The following TDRD12 variants were observed in gnomAD, a reference collection of about 807,000 sequenced individuals.
TDRD12 encodes tudor domain containing 12.
Under a neutral mutation model 133.5 loss-of-function variants are expected in TDRD12, and 158 were observed. That is an observed-to-expected ratio of 1.18 (90% CI 1.04 to 1.35). The LOEUF is 1.35. Ranked by LOEUF, TDRD12 falls within the 40% of genes most tolerant of loss-of-function variation. The pLI, the probability that TDRD12 is intolerant of heterozygous loss-of-function variation, is 0.00. For missense variants in TDRD12, 1,443 were observed against 1,321.3 expected, an observed-to-expected ratio of 1.09 and a Z score of -1.43; for synonymous variants, 460 against 477.9, an observed-to-expected ratio of 0.96 and a Z score of 0.49.
intron 21 of TDRD12, among the ~76,000 whole-genome samples, chr19:32,805,510 C>T (rs897106242): frequency 1.3e-5 from 2 of 152,062 alleles, no homozygotes; most frequent in Non-Finnish European, 2.9e-5. Context: ...GTTCTCACTG[C>T]ATGAGTGCGT....
chr19:32,783,309 T>C (rs1970819833), intron 11 of TDRD12, among the ~76,000 whole-genome samples: 1 of 152,184 alleles, frequency 6.6e-6, no homozygotes, highest in African/African-American at 2.4e-5. Flanking sequence ...CTGTGTTCTG[T>C]TCCATTGGTC....
chr19:32,721,794 G>A (rs1281228021), intron 1 of TDRD12, among the ~76,000 whole-genome samples: 3 of 151,014 alleles, frequency 2.0e-5, no homozygotes, highest in Non-Finnish European at 4.4e-5. Context: ...TGCAAGCTCC[G>A]CCTCCCGGGT....
intron 10 of TDRD12, among the ~76,000 whole-genome samples, chr19:32,776,535 G>A (rs1175738331): frequency 1.3e-5 from 2 of 152,174 alleles, no homozygotes; most frequent in African/African-American, 2.4e-5. Flanking sequence ...AGATTCTGGC[G>A]TCTGCACCTG....
chr19:32,775,018 G>A (rs189581145), intron 10 of TDRD12, among the ~76,000 whole-genome samples: 112 of 151,514 alleles, frequency 7.4e-4, no homozygotes, highest in East Asian at 5.8e-3. Flanking sequence ...CCTTGCTGTC[G>A]TTGCTACCAT....
exon 16 of TDRD12, chr19:32,798,352 G>A (rs1971290611): frequency 9.1e-6 from 14 of 1,535,498 alleles, no homozygotes; most frequent in East Asian, 2.4e-5. Context: ...GAGGCTTCTC[G>A]CCTGTCAGAG....
At chr19:32,729,459 C>T (rs1395785100) in intron 1 of TDRD12, among the ~76,000 whole-genome samples, 6 of 151,662 alleles carry the variant, frequency 4.0e-5, no homozygotes, top group Non-Finnish European at 5.9e-5. Flanking sequence ...CCTCGTGATC[C>T]GCCCGTCTCG....
chr19:32,774,421 T>A (rs937162004), intron 10 of TDRD12, among the ~76,000 whole-genome samples: 1 of 152,186 alleles, frequency 6.6e-6, no homozygotes, highest in African/African-American at 2.4e-5. Context: ...CCTTTAATAT[T>A]TCTTGCATTG....
At chr19:32,764,005 C>T (rs1034916508) in intron 8 of TDRD12, among the ~76,000 whole-genome samples, 1 of 151,762 alleles carries the variant, frequency 6.6e-6, no homozygotes, top group Non-Finnish European at 1.5e-5. Context: ...TTTTTACATG[C>T]TCGACTGGAA....
At chr19:32,827,373 T>TTTTC (rs1491297526) in exon 10 of TDRD12, 7 of 107,362 alleles carry the variant, frequency 6.5e-5, no homozygotes, top group Non-Finnish European at 8.5e-5. Flanking sequence ...TTTTCTTTTC[T>TTTTC]TTTTTTTTTT....
chr19:32,766,932 T>C (rs750943680), intron 8 of TDRD12, among the ~76,000 whole-genome samples: 6 of 150,974 alleles, frequency 4.0e-5, no homozygotes, highest in Admixed American at 6.6e-5. Flanking sequence ...ATTTTTTGTT[T>C]TGTATGTTTA....
chr19:32,731,670 G>T (rs985853941), intron 1 of TDRD12, 55 bp from the exon 2 acceptor site: 6 of 1,408,388 alleles, frequency 4.3e-6, no homozygotes, highest in Non-Finnish European at 5.6e-6. Flanking sequence ...AGTTTATTTT[G>T]TGGTACTACT....
At chr19:32,766,992 C>G (rs1017586505) in intron 8 of TDRD12, among the ~76,000 whole-genome samples, 1 of 151,986 alleles carries the variant, frequency 6.6e-6, no homozygotes, top group African/African-American at 2.4e-5. Context: ...CATAGTCTAC[C>G]TTCAAGCAGT....
chr19:32,751,489 A>T (rs1220223194), intron 6 of TDRD12, among the ~76,000 whole-genome samples: 1 of 151,940 alleles, frequency 6.6e-6, no homozygotes, highest in Non-Finnish European at 1.5e-5. Flanking sequence ...TTGGCTGTGA[A>T]AGATATTACT....
chr19:32,800,292 C>A (rs1255228368), exon 17 of TDRD12: 1 of 1,534,064 alleles, frequency 6.5e-7, no homozygotes, highest in Non-Finnish European at 8.7e-7. Context: ...TCAAAGAGTT[C>A]ATGAATGATC....
chr19:32,765,424 A>G (rs1568465845), intron 8 of TDRD12, among the ~76,000 whole-genome samples: 1 of 152,240 alleles, frequency 6.6e-6, no homozygotes, highest in African/African-American at 2.4e-5. Context: ...ATACTGCTAT[A>G]AAGACACATG....
chr19:32,767,092 TTTTATTTATTTATTTATTTATTTATTTA>T (rs138456502), intron 8 of TDRD12, among the ~76,000 whole-genome samples: 10 of 137,460 alleles, frequency 7.3e-5, no homozygotes, highest in African/African-American at 2.7e-4. Context: ...TTTTCATGCA[TTTTATTTATTTATTTATTTATTTATTTA>T]TTTATTTATT....
At chr19:32,735,300 C>G (rs532716130) in intron 2 of TDRD12, among the ~76,000 whole-genome samples, 9 of 152,206 alleles carry the variant, frequency 5.9e-5, no homozygotes, top group African/African-American at 2.2e-4. Flanking sequence ...AAAGAAGCAG[C>G]CTTATTGGTA....
At chr19:32,814,719 G>A (rs1213722140) in intron 25 of TDRD12, among the ~76,000 whole-genome samples, 1 of 152,178 alleles carries the variant, frequency 6.6e-6, no homozygotes, top group Non-Finnish European at 1.5e-5. Context: ...TGACCACGGC[G>A]GCCAGAGGGA....
chr19:32,756,161 A>G lies in TDRD12; in HGVS notation c.752A>G (p.Lys251Arg), dbSNP rs919758554. Residue 251 changes from lysine (K) to arginine (R), a missense_variant, in exon 7 of 28, where the codon AAA becomes AGA. Coordinates refer to ENST00000444215, the Ensembl canonical transcript of TDRD12. ...CTCTGGCCAATGTTTTTGCAAGGAA[A>G]AGATGTTCAAGGAATGGAAGGTGAG... is the stretch of plus-strand genomic sequence containing the variant. The G allele has an allele frequency of 4.9e-6, 7 of 1,429,964 alleles. No individual in the cohort carries two copies. The highest frequency in any genetic ancestry group is 2.9e-5 in the East Asian group (1 of 34,046). 88.6% of individuals were successfully genotyped at this position (1,429,964 alleles called of 1,614,324 possible). A position where few individuals can be genotyped will look rare whatever the true frequency, so the allele number is the denominator to read the frequency against.
Sources: allele counts gnomAD v4.1 joint callset (sites outside exome capture counted in the v4.1 genomes callset), GRCh38; gene constraint gnomAD v4.1.1; transcripts MANE v1.5; gene names NCBI Gene and HGNC (gene_info 2026-07-23, HGNC 2026-07-21).